TRAPPC9: variants seen among roughly 807,000 people sequenced by gnomAD.
TRAPPC9 encodes the protein IKK2 binding protein.
TRAPPC9 carries 83 observed loss-of-function variants against 124.0 expected under a neutral mutation model. The observed-to-expected ratio is 0.67, with a 90% CI of 0.56 to 0.80. The LOEUF is 0.80. TRAPPC9 is among the 30% of genes least tolerant of loss of function. The pLI is 0.00. For synonymous variants in TRAPPC9, 638 were observed against 617.5 expected (o/e 1.03, Z -0.49); for missense variants, 1,302 against 1,508.3 (o/e 0.86, Z 2.27).
intron 15 of TRAPPC9, among the ~76,000 whole-genome samples, chr8:140,259,544 C>T (rs77451223): frequency 0.019 from 2,846 of 152,320 alleles, 42 homozygotes; most frequent in Non-Finnish European, 0.029. Flanking sequence ...TCTTAGTTTA[C>T]TCATCTATAA....
At chr8:140,335,847 C>G (rs1203079863) in intron 9 of TRAPPC9, among the ~76,000 whole-genome samples, 1 of 151,700 alleles carries the variant, frequency 6.6e-6, no homozygotes, top group Non-Finnish European at 1.5e-5. Context: ...GCTGGGATTA[C>G]AGGCTCCCGC....
At chr8:139,958,635 G>A (rs956907356) in intron 19 of TRAPPC9, among the ~76,000 whole-genome samples, 6 of 152,226 alleles carry the variant, frequency 3.9e-5, no homozygotes, top group African/African-American at 1.4e-4. Flanking sequence ...CACCAAGAAA[G>A]GGACTCCAGG....
At chr8:139,845,236 G>C (rs1421878472) in intron 21 of TRAPPC9, among the ~76,000 whole-genome samples, 1 of 152,184 alleles carries the variant, frequency 6.6e-6, no homozygotes, top group Non-Finnish European at 1.5e-5. Flanking sequence ...ATGCCACCAA[G>C]CATTGTAGGG....
At chr8:139,912,916 A>T (rs1429236516) in intron 19 of TRAPPC9, among the ~76,000 whole-genome samples, 3 of 152,230 alleles carry the variant, frequency 2.0e-5, no homozygotes, top group African/African-American at 7.2e-5. Flanking sequence ...AAAGGTCAGA[A>T]TATTTCCTAA....
Position 140,451,133 on chromosome 8 carries a change from T to C in TRAPPC9, c.241A>G (p.Ile81Val). The stretch of plus-strand genomic sequence containing the variant: ...GCCGAGAAGCAGTCTGTGATGGTGA[T>C]GAGGCCCACGACTTTGCGGTGGGTC... Reference protein sequence around the residue: ...FQTHRKVVGLITITDCFSAKD... With the variant: ...FQTHRKVVGLVTITDCFSAKD... Residue 81 changes from isoleucine to valine, a missense_variant, in exon 2 of 23, where the codon ATC becomes GTC. This residue lies in a region of TRAPPC9 where 657 missense variants were observed against 811.2 expected (regional missense o/e 0.81). Coordinates refer to ENST00000438773, the MANE Select transcript of TRAPPC9 (RefSeq NM_001160372.4). The C allele has an allele frequency of 6.2e-7, 1 of 1,614,086 alleles. No homozygotes were observed. Among genetic ancestry groups the C allele is most frequent in the Non-Finnish European group, 8.5e-7 (1 of 1,180,002 alleles).
At chr8:140,027,513 C>T (rs772099868) in intron 17 of TRAPPC9, among the ~76,000 whole-genome samples, 11 of 152,050 alleles carry the variant, frequency 7.2e-5, no homozygotes, top group Non-Finnish European at 1.5e-4. Flanking sequence ...TGTCAAAGTA[C>T]CACATCACCA....
chr8:139,805,977 T>C (rs1042720257), intron 21 of TRAPPC9, among the ~76,000 whole-genome samples: 2 of 152,208 alleles, frequency 1.3e-5, no homozygotes, highest in African/African-American at 4.8e-5. Flanking sequence ...GGCAGGGGTG[T>C]GCGCGGAGCA....
chr8:140,176,688 T>C (rs537841724), intron 17 of TRAPPC9, among the ~76,000 whole-genome samples: 10 of 152,310 alleles, frequency 6.6e-5, no homozygotes, highest in African/African-American at 1.9e-4. Flanking sequence ...AGAAGAGGAA[T>C]TGCTGGGTCA....
chr8:140,270,750 G>A (rs949099242), intron 15 of TRAPPC9, among the ~76,000 whole-genome samples: 1 of 152,218 alleles, frequency 6.6e-6, no homozygotes, highest in Non-Finnish European at 1.5e-5. Context: ...GCCCGGGGAG[G>A]AAAGGGTGTG....
chr8:140,205,287 T>C (rs191273128), intron 17 of TRAPPC9, among the ~76,000 whole-genome samples: 2 of 152,342 alleles, frequency 1.3e-5, no homozygotes, highest in East Asian at 3.9e-4. Context: ...CAGAAGTTTA[T>C]ACTGCATGAT....
At chr8:140,136,466 A>T (rs2130742288) in intron 17 of TRAPPC9, among the ~76,000 whole-genome samples, 1 of 152,298 alleles carries the variant, frequency 6.6e-6, no homozygotes. Context: ...GTACCTACCC[A>T]TGGGCAAGGA....
At chr8:139,781,592 C>A (rs150701901) in intron 21 of TRAPPC9, among the ~76,000 whole-genome samples, 1 of 152,278 alleles carries the variant, frequency 6.6e-6, no homozygotes, top group East Asian at 1.9e-4. Context: ...ATGTACAATG[C>A]CAAGAGTGAA....
intron 17 of TRAPPC9, among the ~76,000 whole-genome samples, chr8:140,034,265 C>T (rs995279196): frequency 5.9e-5 from 9 of 152,184 alleles, no homozygotes; most frequent in African/African-American, 1.9e-4. Context: ...GTCCATTAAA[C>T]AGATGGATGG....
At chr8:139,813,700 C>T (rs937762469) in intron 21 of TRAPPC9, among the ~76,000 whole-genome samples, 1 of 152,208 alleles carries the variant, frequency 6.6e-6, no homozygotes, top group Non-Finnish European at 1.5e-5. Context: ...AGGCAGGCTT[C>T]CTGGGGTCTA....
At chr8:140,039,980 C>T (rs1334146140) in intron 17 of TRAPPC9, 2 of 152,250 alleles carry the variant, frequency 1.3e-5, no homozygotes, top group Non-Finnish European at 2.9e-5. Flanking sequence ...AGGGAAAACC[C>T]ATATCCCTCT....
intron 2 of TRAPPC9, among the ~76,000 whole-genome samples, chr8:140,447,277 G>A (rs1040587852): frequency 6.6e-6 from 1 of 151,900 alleles, no homozygotes; most frequent in African/African-American, 2.4e-5. Flanking sequence ...CTAAAAAAAA[G>A]CTAAAATTAA....
At position 139,776,820 on chromosome 8, in the gene TRAPPC9, G is replaced by A. The variant is rs1471894490; in HGVS notation, c.3056-44618C>T. ...TCAGGGAAAACAAAAATGATTCTGA[G>A]GCAATAAAAGCCAAAGTCCATTGCG... On this transcript the variant is annotated intron_variant, in intron 21 of 22. Transcript: ENST00000438773. The surrounding 1 kb of genome is among the most constrained non-coding windows in gnomAD (Gnocchi z 4.1). 6.6e-6 allele frequency among the ~76,000 whole-genome samples: 1 copy of A among 152,198 alleles called. No homozygotes were observed. The highest frequency in any genetic ancestry group is 1.5e-5 in the Non-Finnish European group (1 of 68,042).
intron 17 of TRAPPC9, among the ~76,000 whole-genome samples, chr8:140,075,457 C>T (rs12544589): frequency 0.34 from 51,751 of 152,048 alleles, 10,738 homozygotes; most frequent in Middle Eastern, 0.53. Flanking sequence ...CCCCACATCC[C>T]TCTCCTCCTC....
chr8:140,096,084 G>A (rs1171791293), intron 17 of TRAPPC9: 3 of 152,186 alleles, frequency 2.0e-5, no homozygotes, highest in Non-Finnish European at 4.4e-5. Flanking sequence ...CACTTGGAGG[G>A]GGACTCATAA....
Sources: allele counts gnomAD v4.1 joint callset (sites outside exome capture counted in the v4.1 genomes callset), GRCh38; gene constraint gnomAD v4.1.1; regional missense constraint gnomAD v4.1.1; non-coding constraint Gnocchi (gnomAD v3.1); transcripts MANE v1.5; gene names NCBI Gene and HGNC (gene_info 2026-07-23, HGNC 2026-07-21).